The following UVRAG variants were observed in gnomAD, a reference collection of about 807,000 sequenced individuals.
UVRAG encodes the protein UV radiation resistance-associated gene protein.
UVRAG carries 19 observed loss-of-function variants against 78.0 expected under a neutral mutation model. The ratio of observed to expected loss-of-function variants is 0.24; its 90% CI spans 0.17 to 0.36. The LOEUF (loss-of-function observed/expected upper bound fraction) is 0.36. Ranked by LOEUF, UVRAG falls within the 10% of genes least tolerant of loss-of-function variation. The pLI is 1.00. For missense variants in UVRAG, 740 were observed against 853.8 expected (o/e 0.87, Z 1.66); for synonymous variants, 323 against 324.6 (o/e 1.00, Z 0.05).
At chr11:76,059,084 G>C (rs1470800955) in intron 12 of UVRAG, among the ~76,000 whole-genome samples, 1 of 152,202 alleles carries the variant, frequency 6.6e-6, no homozygotes, top group Non-Finnish European at 1.5e-5. Flanking sequence ...GGGCTGAGAA[G>C]TGACATGATA....
chr11:75,839,648 G>T (rs1945863075), intron 1 of UVRAG, among the ~76,000 whole-genome samples: 1 of 151,136 alleles, frequency 6.6e-6, no homozygotes, highest in African/African-American at 2.4e-5. Flanking sequence ...TTTTCTTTAG[G>T]CTCCTATATG....
At chr11:76,020,346 C>G (rs961108778) in intron 12 of UVRAG, among the ~76,000 whole-genome samples, 3 of 152,106 alleles carry the variant, frequency 2.0e-5, no homozygotes, top group Non-Finnish European at 2.9e-5. Context: ...AAGCTGGTAC[C>G]TGAAAACAGC....
At chr11:76,130,849 CT>C (rs1952500023) in intron 14 of UVRAG, among the ~76,000 whole-genome samples, 1 of 152,120 alleles carries the variant, frequency 6.6e-6, no homozygotes, top group South Asian at 2.1e-4. Context: ...TTTAATTTCC[CT>C]ATCGAGTTCC....
intron 11 of UVRAG, among the ~76,000 whole-genome samples, chr11:76,016,057 C>G (rs1950139910): frequency 6.6e-6 from 1 of 152,176 alleles, no homozygotes; most frequent in Non-Finnish European, 1.5e-5. Context: ...TCATTTATCA[C>G]TTGATAGATA....
intron 1 of UVRAG, among the ~76,000 whole-genome samples, chr11:75,828,130 T>C (rs1209479299): frequency 6.6e-6 from 1 of 152,162 alleles, no homozygotes; most frequent in Non-Finnish European, 1.5e-5. Flanking sequence ...CATTACAGGA[T>C]AGAATTGGTA....
intron 11 of UVRAG, among the ~76,000 whole-genome samples, chr11:76,010,564 ATC>A (rs1950031783): frequency 2.0e-5 from 3 of 152,176 alleles, no homozygotes; most frequent in Admixed American, 2.0e-4. Flanking sequence ...TGGGCTTGGC[ATC>A]TCTCAAAAAA....
At chr11:75,833,953 A>G (rs1055785621) in intron 1 of UVRAG, among the ~76,000 whole-genome samples, 2 of 152,256 alleles carry the variant, frequency 1.3e-5, no homozygotes, top group African/African-American at 4.8e-5. Context: ...GGCCATCACG[A>G]ACATGTCACT....
intron 14 of UVRAG, among the ~76,000 whole-genome samples, chr11:76,119,084 G>A (rs1334770998): frequency 6.6e-6 from 1 of 152,074 alleles, no homozygotes; most frequent in Non-Finnish European, 1.5e-5. Flanking sequence ...TTAGTTCTAT[G>A]AGTATACTGA....
intron 6 of UVRAG, chr11:75,916,334 A>G (rs1264309141): frequency 2.0e-5 from 3 of 152,198 alleles, no homozygotes; most frequent in Admixed American, 1.3e-4. Context: ...TATTAGGAAT[A>G]TTGTTAGAAT....
chr11:75,884,340 T>C (rs1947031358), intron 4 of UVRAG, among the ~76,000 whole-genome samples: 1 of 152,078 alleles, frequency 6.6e-6, no homozygotes, highest in Non-Finnish European at 1.5e-5. Context: ...ATTCTGGATA[T>C]AAATCAGTCC....
chr11:75,936,739 A>G (rs538459780), intron 6 of UVRAG, among the ~76,000 whole-genome samples: 34 of 152,296 alleles, frequency 2.2e-4, no homozygotes, highest in African/African-American at 8.2e-4. Context: ...TTAGTACAGA[A>G]TAATAATAAT....
intron 7 of UVRAG, among the ~76,000 whole-genome samples, chr11:75,976,753 C>A (rs549371365): frequency 6.6e-6 from 1 of 151,666 alleles, no homozygotes; most frequent in Non-Finnish European, 1.5e-5. Context: ...TTGATTCTTC[C>A]TTCTTTTCTT....
rs61246870 is a variant in UVRAG at position 76,034,444 on chromosome 11, C to T, written c.1226+17464C>T. ...GAACTCCTGGGCTAAAGTGATTATC[C>T]CGCCTTGGCCTCCCAAAGTGCTGGG... is the stretch of plus-strand genomic sequence containing the variant. On this transcript the variant is annotated intron_variant, in intron 12 of 14. Transcript: ENST00000356136. 4.3e-4 allele frequency among the ~76,000 whole-genome samples: 66 copies of T among 152,276 alleles called. 1 individual carries two copies. Among genetic ancestry groups the T allele is most frequent in the African/African-American group, 1.5e-3 (63 of 41,548 alleles).
intron 13 of UVRAG, among the ~76,000 whole-genome samples, chr11:76,070,853 T>C (rs1470094548): frequency 6.6e-6 from 1 of 152,216 alleles, no homozygotes; most frequent in Non-Finnish European, 1.5e-5. Flanking sequence ...GAGAGCTATA[T>C]TGCTTAATGA....
Position 76,119,155 on chromosome 11 carries a change from C to T in UVRAG, c.1397+3140C>T, listed in dbSNP as rs142257523. On this transcript the variant is annotated intron_variant, in intron 14 of 14. Transcript: ENST00000356136. Reference sequence around the variant, plus strand: ...TAAACATAGACCCAAACTCAAAGGTCACTTTTCATCCTTATCCTGTTCAGT... The same window carrying T: ...TAAACATAGACCCAAACTCAAAGGTTACTTTTCATCCTTATCCTGTTCAGT... Among the ~76,000 whole-genome samples the T allele has an allele frequency of 5.3e-3, 809 of 152,274 alleles. 9 individuals carry two copies. The highest frequency in any genetic ancestry group is 0.018 in the African/African-American group (767 of 41,560).
intron 7 of UVRAG, among the ~76,000 whole-genome samples, chr11:75,974,737 T>A (rs1298582424): frequency 1.3e-5 from 2 of 152,228 alleles, no homozygotes; most frequent in African/African-American, 4.8e-5. Context: ...TGATTTTTTC[T>A]TGTAAATTTG....
At chr11:76,096,382 G>A (rs1951785775) in intron 13 of UVRAG, among the ~76,000 whole-genome samples, 1 of 152,170 alleles carries the variant, frequency 6.6e-6, no homozygotes, top group African/African-American at 2.4e-5. Flanking sequence ...GAAGGAGATA[G>A]CTGTCTTTAT....
chr11:75,901,512 C>A (rs1272689598), intron 5 of UVRAG, among the ~76,000 whole-genome samples: 2 of 152,110 alleles, frequency 1.3e-5, no homozygotes, highest in African/African-American at 4.8e-5. Context: ...GAGCTCAGTT[C>A]CCTTCCCCTC....
chr11:75,815,288 C>A lies in UVRAG; in HGVS notation c.-120C>A. On this transcript the variant is annotated 5_prime_UTR_variant, in exon 1 of 15. Coordinates refer to ENST00000356136, the MANE Select transcript of UVRAG (RefSeq NM_003369.4). ...GGCGGCGGCTACTGTCTGGGCTGAG[C>A]AGTAGTGCCTCTCGGGTGGCGGGTT... 2.0e-6 allele frequency: 1 copy of A among 509,928 alleles called. No homozygotes were observed. The highest frequency in any genetic ancestry group is 3.1e-6 in the Non-Finnish European group (1 of 317,924). The allele number at this position is 509,928 out of a possible 1,614,324, so 31.6% of individuals were successfully genotyped here. A position where few individuals can be genotyped will look rare whatever the true frequency, so the allele number is the denominator to read the frequency against.
Sources: allele counts gnomAD v4.1 joint callset (sites outside exome capture counted in the v4.1 genomes callset), GRCh38; gene constraint gnomAD v4.1.1; transcripts MANE v1.5; gene names NCBI Gene and HGNC (gene_info 2026-07-23, HGNC 2026-07-21).